CACNA2D3: variants seen among roughly 807,000 people sequenced by gnomAD.
CACNA2D3 encodes voltage-dependent calcium channel subunit alpha-2/delta-3.
A neutral mutation model predicts 160.6 loss-of-function variants in CACNA2D3; 60 were observed. That is an observed-to-expected ratio of 0.37 (90% CI 0.30 to 0.46). CACNA2D3 has a LOEUF of 0.46. CACNA2D3 is among the 20% of genes least tolerant of loss of function. The pLI, the probability that CACNA2D3 is intolerant of heterozygous loss-of-function variation, is 1.00. For synonymous variants in CACNA2D3, 558 were observed against 492.9 expected (o/e 1.13, Z -1.75); for missense variants, 1,205 against 1,365.0 (o/e 0.88, Z 1.85).
chr3:54,183,318 G>GT (rs1413168497), intron 2 of CACNA2D3, among the ~76,000 whole-genome samples: 1 of 150,918 alleles, frequency 6.6e-6, no homozygotes, highest in Non-Finnish European at 1.5e-5. Flanking sequence ...GGGTTTTAGT[G>GT]TTTGGAGTGG....
At chr3:54,712,376 GA>G (rs1700967608) in intron 11 of CACNA2D3, among the ~76,000 whole-genome samples, 1 of 152,172 alleles carries the variant, frequency 6.6e-6, no homozygotes, top group African/African-American at 2.4e-5. Context: ...CACCCATCTT[GA>G]ATTGTAACTC....
intron 35 of CACNA2D3, among the ~76,000 whole-genome samples, chr3:55,065,686 G>GGAGAGGGAAGGAGAGGAGA (rs1375262810): frequency 5.3e-5 from 8 of 151,414 alleles, no homozygotes; most frequent in Non-Finnish European, 1.0e-4. Context: ...GAGAGAGGAG[G>GGAGAGGGAAGGAGAGGAGA]GAGAGGGAAG....
chr3:54,469,408 C>T (rs181749399), intron 4 of CACNA2D3, among the ~76,000 whole-genome samples: 2 of 152,252 alleles, frequency 1.3e-5, no homozygotes, highest in Non-Finnish European at 2.9e-5. Context: ...CACACAAAAA[C>T]CTCATCCGAA....
chr3:54,505,534 A>T (rs1011030579), intron 5 of CACNA2D3, among the ~76,000 whole-genome samples: 21 of 152,156 alleles, frequency 1.4e-4, no homozygotes, highest in Non-Finnish European at 2.5e-4. Context: ...GCTCAGCTTC[A>T]TTTAGTGGAG....
chr3:54,400,352 G>C lies in CACNA2D3; in HGVS notation c.381+13578G>C, dbSNP rs547446054. ...AGTGAACCTTCACCTTAGAACTCAGGTGCCAAAATAAGCTCATGAAACCCT... is the reference window on the plus strand; with the variant it reads ...AGTGAACCTTCACCTTAGAACTCAGCTGCCAAAATAAGCTCATGAAACCCT... On this transcript the variant is annotated intron_variant, in intron 4 of 37. Coordinates refer to ENST00000474759, the MANE Select transcript of CACNA2D3 (RefSeq NM_018398.3). 2.0e-5 allele frequency among the ~76,000 whole-genome samples: 3 copies of C among 151,804 alleles called. No homozygotes were observed. The South Asian group carries it at 6.3e-4, about 32-fold the overall frequency.
chr3:54,590,726 C>T (rs887546320), intron 9 of CACNA2D3, among the ~76,000 whole-genome samples: 1 of 152,012 alleles, frequency 6.6e-6, no homozygotes, highest in African/African-American at 2.4e-5. Flanking sequence ...GGATTACAGG[C>T]GTGAGCCACC....
intron 2 of CACNA2D3, among the ~76,000 whole-genome samples, chr3:54,124,053 C>G (rs1211389253): frequency 2.0e-5 from 3 of 152,208 alleles, no homozygotes; most frequent in Non-Finnish European, 4.4e-5. Flanking sequence ...TGCAGTTGTA[C>G]AATCCCATTA....
intron 11 of CACNA2D3, among the ~76,000 whole-genome samples, chr3:54,723,113 G>A (rs550238721): frequency 6.6e-6 from 1 of 152,338 alleles, no homozygotes; most frequent in South Asian, 2.1e-4. Context: ...AAATCTGGCA[G>A]TCTGGCCAGA....
At chr3:54,990,351 T>C (rs1179813628) in intron 31 of CACNA2D3, among the ~76,000 whole-genome samples, 1 of 152,082 alleles carries the variant, frequency 6.6e-6, no homozygotes, top group Non-Finnish European at 1.5e-5. Flanking sequence ...GCCAACAAGG[T>C]GAAACGCTGT....
intron 5 of CACNA2D3, among the ~76,000 whole-genome samples, chr3:54,529,746 A>G (rs1471665545): frequency 6.6e-6 from 1 of 152,150 alleles, no homozygotes; most frequent in Non-Finnish European, 1.5e-5. Context: ...TCTTGTCATT[A>G]ATTATCTTTC....
chr3:54,190,865 A>G (rs1337574874), intron 2 of CACNA2D3, among the ~76,000 whole-genome samples: 2 of 152,100 alleles, frequency 1.3e-5, no homozygotes, highest in African/African-American at 4.8e-5. Context: ...TGGCCATGTG[A>G]TCTTGGATAA....
chr3:54,363,524 A>AT (rs946405338), intron 3 of CACNA2D3, among the ~76,000 whole-genome samples: 3 of 151,990 alleles, frequency 2.0e-5, no homozygotes, highest in Non-Finnish European at 2.9e-5. Flanking sequence ...CATCTTGCAC[A>AT]TTTTTTCTTG....
chr3:54,516,470 G>A (rs80190145), intron 5 of CACNA2D3, among the ~76,000 whole-genome samples: 2,906 of 152,234 alleles, frequency 0.019, 69 homozygotes, highest in East Asian at 0.084. Context: ...AACTGCTGCT[G>A]TGCTGTTTCA....
intron 5 of CACNA2D3, among the ~76,000 whole-genome samples, chr3:54,529,893 G>A (rs1701781187): frequency 6.6e-6 from 1 of 152,182 alleles, no homozygotes; most frequent in African/African-American, 2.4e-5. Flanking sequence ...TATTTGGGCA[G>A]ATGTATTTAG....
chr3:54,249,588 CCA>C (rs1218162672), intron 2 of CACNA2D3, among the ~76,000 whole-genome samples: 2 of 147,486 alleles, frequency 1.4e-5, no homozygotes, highest in East Asian at 2.0e-4. Flanking sequence ...CACACACACA[CCA>C]GGCTACATTT....
intron 18 of CACNA2D3, chr3:54,875,063 T>C (rs926741336): frequency 3.9e-5 from 6 of 152,182 alleles, no homozygotes; most frequent in Non-Finnish European, 8.8e-5. Flanking sequence ...ATGACTCTGA[T>C]GGAAAATTTC....
chr3:54,300,900 A>G (rs545038169), intron 2 of CACNA2D3, among the ~76,000 whole-genome samples: 1 of 152,252 alleles, frequency 6.6e-6, no homozygotes, highest in East Asian at 1.9e-4. Context: ...GTGCACCCAT[A>G]GTCCCAGCTA....
At chr3:54,175,795 A>G (rs558908779) in intron 2 of CACNA2D3, among the ~76,000 whole-genome samples, 1 of 152,208 alleles carries the variant, frequency 6.6e-6, no homozygotes, top group South Asian at 2.1e-4. Context: ...AGGTCATTGG[A>G]GGGGAAGAAG....
chr3:55,035,781 T>A (rs1037758), intron 35 of CACNA2D3, among the ~76,000 whole-genome samples: 28,047 of 152,118 alleles, frequency 0.18, 2,690 homozygotes, highest in Admixed American at 0.27. Flanking sequence ...GGGTAGAAAA[T>A]ATATACCCTT....
Sources: gnomAD v4.1 joint callset for allele counts (sites outside exome capture counted in the v4.1 genomes callset) on GRCh38, gnomAD v4.1.1 for gene constraint, MANE v1.5 for transcripts, NCBI Gene and HGNC (gene_info 2026-07-23, HGNC 2026-07-21) for gene names.